The following PARD3 variants were observed in gnomAD, a reference collection of about 807,000 sequenced individuals.
PARD3 encodes the protein par-3 family cell polarity regulator.
In PARD3, 75 loss-of-function variants were observed where a neutral mutation model predicts 155.4. That is an observed-to-expected ratio of 0.48 (90% CI 0.40 to 0.58). The LOEUF (loss-of-function observed/expected upper bound fraction) is 0.58. PARD3 is among the 20% of genes least tolerant of loss of function. PARD3 has a pLI of 0.00. For missense variants in PARD3, 1,642 were observed against 1,721.7 expected (o/e 0.95, Z 0.82); for synonymous variants, 576 against 610.5 (o/e 0.94, Z 0.83).
intron 12 of PARD3, among the ~76,000 whole-genome samples, chr10:34,368,679 A>G (rs1049781345): frequency 6.6e-6 from 1 of 150,446 alleles, no homozygotes; most frequent in Non-Finnish European, 1.5e-5. Flanking sequence ...CTCAAACAAA[A>G]AAAAAGAAGA....
At chr10:34,406,772 A>C (rs1844521196) in intron 5 of PARD3, among the ~76,000 whole-genome samples, 1 of 152,062 alleles carries the variant, frequency 6.6e-6, no homozygotes, top group Non-Finnish European at 1.5e-5. Context: ...GAAAATCAAA[A>C]ATATATACAG....
chr10:34,623,537 T>C (rs1481057705), intron 2 of PARD3, among the ~76,000 whole-genome samples: 8 of 152,304 alleles, frequency 5.3e-5, no homozygotes, highest in Middle Eastern at 3.4e-3. Flanking sequence ...AACAAGTGAC[T>C]GAAAGGAAGA....
chr10:34,578,262 C>A (rs772340579), intron 2 of PARD3, among the ~76,000 whole-genome samples: 24 of 152,128 alleles, frequency 1.6e-4, no homozygotes, highest in Non-Finnish European at 3.2e-4. Context: ...CCTGAATCAT[C>A]ACATACTGCC....
chr10:34,367,959 A>T (rs1840139787), intron 12 of PARD3, among the ~76,000 whole-genome samples: 1 of 151,692 alleles, frequency 6.6e-6, no homozygotes, highest in Non-Finnish European at 1.5e-5. Flanking sequence ...AATTCTTGAA[A>T]GTTAAGCATG....
chr10:34,561,577 G>A (rs1003273848), intron 2 of PARD3, among the ~76,000 whole-genome samples: 2 of 151,590 alleles, frequency 1.3e-5, no homozygotes, highest in African/African-American at 4.8e-5. Context: ...GGAGTGCAAT[G>A]GCGCGATCTC....
chr10:34,347,922 G>C (rs1201396600), intron 15 of PARD3, 43 bp downstream of exon 15: 2 of 1,531,104 alleles, frequency 1.3e-6, no homozygotes, highest in Non-Finnish European at 8.9e-7. Context: ...ACCAATGAAA[G>C]CATCAAAATA....
At chr10:34,186,390 C>T (rs1950498080) in intron 22 of PARD3, among the ~76,000 whole-genome samples, 2 of 151,192 alleles carry the variant, frequency 1.3e-5, no homozygotes. Flanking sequence ...ACCCAGCCTG[C>T]CTCCAGGATG....
At chr10:34,284,094 AC>A in intron 21 of PARD3, 40 bp downstream of exon 21, 1 of 1,069,032 alleles carries the variant, frequency 9.4e-7, no homozygotes, top group Non-Finnish European at 1.4e-6. Context: ...AAAAAAAAGA[AC>A]CTCTTTCTAA....
intron 2 of PARD3, among the ~76,000 whole-genome samples, chr10:34,653,789 G>A (rs1357532919): frequency 1.6e-5 from 1 of 62,216 alleles, no homozygotes; most frequent in Non-Finnish European, 3.7e-5. Flanking sequence ...GCAAGACCTC[G>A]ACTCCAAAAA....
intron 3 of PARD3, among the ~76,000 whole-genome samples, chr10:34,477,070 T>C (rs1370085): frequency 6.6e-6 from 1 of 152,070 alleles, no homozygotes; most frequent in Admixed American, 6.6e-5. Context: ...AAACATGATC[T>C]TCTCACCTAT....
At chr10:34,459,467 G>A (rs1287785402) in intron 4 of PARD3, among the ~76,000 whole-genome samples, 16 of 152,132 alleles carry the variant, frequency 1.1e-4, no homozygotes, top group Admixed American at 2.0e-4. Context: ...CACCACACCC[G>A]GCCCTCATTT....
chr10:34,463,350 G>GGGGAA (rs1223754660), intron 4 of PARD3, among the ~76,000 whole-genome samples: 1 of 115,306 alleles, frequency 8.7e-6, no homozygotes, highest in Non-Finnish European at 1.8e-5. Flanking sequence ...GGAAGGGGAA[G>GGGGAA]GGGAAGGGGA....
intron 22 of PARD3, among the ~76,000 whole-genome samples, chr10:34,156,689 G>A (rs550289050): frequency 2.0e-5 from 3 of 152,254 alleles, no homozygotes; most frequent in Admixed American, 6.5e-5. Flanking sequence ...CTAAGAGCGC[G>A]GCTGCTGGCA....
intron 1 of PARD3, among the ~76,000 whole-genome samples, chr10:34,775,649 A>C (rs2134126180): frequency 6.6e-6 from 1 of 152,370 alleles, no homozygotes; most frequent in Non-Finnish European, 1.5e-5. Flanking sequence ...GAATGAAGAA[A>C]TTTGGGTGCA....
intron 2 of PARD3, among the ~76,000 whole-genome samples, chr10:34,542,234 T>TGTGTGCACAC (rs1554889669): frequency 1.4e-5 from 2 of 146,300 alleles, no homozygotes; most frequent in South Asian, 2.2e-4. Context: ...TGTGTGTGTG[T>TGTGTGCACAC]GTGTGCACAC....
chr10:34,319,097 T>C (rs11009734), intron 19 of PARD3, among the ~76,000 whole-genome samples: 22,035 of 141,690 alleles, frequency 0.16, 1,844 homozygotes, highest in African/African-American at 0.27. Context: ...TTTTTTTTTT[T>C]TCTTCTTCTT....
intron 22 of PARD3, among the ~76,000 whole-genome samples, chr10:34,253,610 A>C (rs1954459681): frequency 6.6e-6 from 1 of 152,126 alleles, no homozygotes; most frequent in South Asian, 2.1e-4. Context: ...CAGCTACCTG[A>C]GGTTTCAGGA....
At chr10:34,793,041 C>A (rs1841854365) in intron 1 of PARD3, among the ~76,000 whole-genome samples, 1 of 152,212 alleles carries the variant, frequency 6.6e-6, no homozygotes, top group Non-Finnish European at 1.5e-5. Context: ...GGGGCTGCAG[C>A]AGGGACTGCA....
In PARD3 at chr10:34,378,039, A is replaced by G. The variant is rs756627768; in HGVS notation, c.1467T>C (p.Tyr489=). The change falls in exon 10 of 25, where the codon TAT becomes TAC. Residue 489 remains tyrosine (Y), a synonymous_variant. Transcript: ENST00000374788. ...CCCCCCGGGGGAGAATGTTTTTCAC[A>G]TAGATTGGAGCTGAGCCACCTATTG... ...DVTIGGSAPI[Y]VKNILPRGAA... The G allele has an allele frequency of 4.4e-6, 7 of 1,595,506 alleles. No homozygotes were observed. The South Asian group carries it at 7.9e-5, about 18-fold the overall frequency.
Sources: allele counts gnomAD v4.1 joint callset (sites outside exome capture counted in the v4.1 genomes callset), GRCh38; gene constraint gnomAD v4.1.1; transcripts MANE v1.5; gene names NCBI Gene and HGNC (gene_info 2026-07-23, HGNC 2026-07-21).